The following EXOC4 variants were observed in gnomAD, a reference collection of about 807,000 sequenced individuals.
The protein encoded by EXOC4 is SEC8-like 1.
EXOC4 carries 71 observed loss-of-function variants against 107.2 expected under a neutral mutation model. The ratio of observed to expected loss-of-function variants is 0.66; its 90% confidence interval spans 0.55 to 0.81. The LOEUF is 0.81. EXOC4 is among the 30% of genes least tolerant of loss of function. The pLI, the probability that EXOC4 is intolerant of heterozygous loss-of-function variation, is 0.00. For synonymous variants in EXOC4, 456 were observed against 441.2 expected (o/e 1.03, Z -0.42); for missense variants, 1,108 against 1,189.6 (o/e 0.93, Z 1.01).
intron 7 of EXOC4, among the ~76,000 whole-genome samples, chr7:133,452,420 A>G (rs1023704278): frequency 2.6e-5 from 4 of 151,810 alleles, no homozygotes; most frequent in Non-Finnish European, 4.4e-5. Flanking sequence ...AGTCTCCCAC[A>G]TGGTGATGAG....
intron 1 of EXOC4, among the ~76,000 whole-genome samples, chr7:133,267,959 C>G (rs1793773105): frequency 6.6e-6 from 1 of 152,082 alleles, no homozygotes; most frequent in South Asian, 2.1e-4. Flanking sequence ...AAATAAATAT[C>G]CTCAGGAACT....
intron 11 of EXOC4, among the ~76,000 whole-genome samples, chr7:133,884,620 T>TGTGTGTGTGTGTGTGTGC (rs942323507): frequency 7.0e-6 from 1 of 142,330 alleles, no homozygotes; most frequent in African/African-American, 2.6e-5. Context: ...TGTGTGTGTG[T>TGTGTGTGTGTGTGTGTGC]GCGCGCGTGT....
intron 10 of EXOC4, among the ~76,000 whole-genome samples, chr7:133,688,338 G>A (rs1050717707): frequency 2.6e-5 from 4 of 152,108 alleles, no homozygotes; most frequent in Non-Finnish European, 5.9e-5. Context: ...TGATTAAACA[G>A]AATGAAAATC....
chr7:133,822,388 AAG>A (rs904632766), intron 11 of EXOC4, among the ~76,000 whole-genome samples: 13 of 152,192 alleles, frequency 8.5e-5, no homozygotes, highest in African/African-American at 2.9e-4. Flanking sequence ...ATCTGAAAAA[AAG>A]AGCGAGGGGA....
intron 9 of EXOC4, among the ~76,000 whole-genome samples, chr7:133,487,849 G>GT (rs1159417339): frequency 1.3e-5 from 2 of 152,084 alleles, no homozygotes; most frequent in African/African-American, 4.8e-5. Context: ...GTTCACATTG[G>GT]TTTTTTAATA....
intron 3 of EXOC4, among the ~76,000 whole-genome samples, chr7:133,296,552 C>T: frequency 6.6e-6 from 1 of 151,938 alleles, no homozygotes; most frequent in East Asian, 1.9e-4. Context: ...TTATTTTTCT[C>T]TTATAGAGTA....
chr7:133,455,834 A>G (rs887767360), intron 7 of EXOC4, among the ~76,000 whole-genome samples: 2 of 152,236 alleles, frequency 1.3e-5, no homozygotes, highest in Non-Finnish European at 2.9e-5. Flanking sequence ...TCAAACATCA[A>G]AAGTAACAGA....
chr7:133,667,861 A>G lies in EXOC4; in HGVS notation c.1514+37720A>G, dbSNP rs547485267. ...TAGTGCATTTGGTAAGAACTCTTAC[A>G]TAAATAGCCTTTACAATCAAATAGA... On this transcript the variant is annotated intron_variant, in intron 10 of 17. Coordinates refer to ENST00000253861, the MANE Select transcript of EXOC4 (RefSeq NM_021807.4). Among the ~76,000 whole-genome samples the G allele has an allele frequency of 3.3e-5, 5 of 152,352 alleles. No homozygotes were observed. The South Asian group carries it at 1.0e-3, about 32-fold the overall frequency.
At chr7:133,567,700 G>C (rs1011550607) in intron 9 of EXOC4, among the ~76,000 whole-genome samples, 16 of 152,276 alleles carry the variant, frequency 1.1e-4, no homozygotes, top group African/African-American at 3.6e-4. Context: ...AGACTGGAAA[G>C]TCCCAGAGCA....
chr7:133,559,983 A>G (rs901602978), intron 9 of EXOC4, among the ~76,000 whole-genome samples: 1 of 152,204 alleles, frequency 6.6e-6, no homozygotes, highest in African/African-American at 2.4e-5. Flanking sequence ...GCTTAGGTAC[A>G]TATATCTCAT....
Position 133,507,075 on chromosome 7 carries a change from T to G in EXOC4, c.1417+26937T>G, listed in dbSNP as rs546237781. Among the ~76,000 whole-genome samples the G allele has an allele frequency of 1.2e-3, 176 of 152,266 alleles. 1 individual carries two copies. Among genetic ancestry groups the G allele is most frequent in the South Asian group, 3.9e-3 (19 of 4,824 alleles). On this transcript the variant is annotated intron_variant, in intron 9 of 17. Coordinates refer to ENST00000253861, the MANE Select transcript of EXOC4 (RefSeq NM_021807.4). ...TCAAAGCTATTAGAGTAGTATTTTT[T>G]GATACTATGATTTCTTTTAGATGGA... is the stretch of plus-strand genomic sequence containing the variant.
chr7:133,801,632 A>G (rs878936662), intron 10 of EXOC4, among the ~76,000 whole-genome samples: 7 of 152,196 alleles, frequency 4.6e-5, no homozygotes, highest in Admixed American at 4.6e-4. Flanking sequence ...CTGTTAGGGG[A>G]AATGGCCAAC....
intron 9 of EXOC4, among the ~76,000 whole-genome samples, chr7:133,522,216 G>A (rs188006456): frequency 1.3e-5 from 2 of 152,138 alleles, no homozygotes; most frequent in Admixed American, 6.5e-5. Flanking sequence ...TGAGTGTTGT[G>A]CCTTAATGTG....
At chr7:133,760,625 G>A (rs531714705) in intron 10 of EXOC4, among the ~76,000 whole-genome samples, 15 of 151,838 alleles carry the variant, frequency 9.9e-5, no homozygotes, top group South Asian at 2.1e-4. Flanking sequence ...TTTTGACCTC[G>A]CACCATTCTG....
chr7:133,277,460 C>T (rs977735430), intron 2 of EXOC4, among the ~76,000 whole-genome samples: 4 of 152,136 alleles, frequency 2.6e-5, no homozygotes, highest in Non-Finnish European at 5.9e-5. Context: ...GCTTTGCTTC[C>T]CATCATTCTG....
intron 10 of EXOC4, among the ~76,000 whole-genome samples, chr7:133,721,891 C>T (rs942840247): frequency 3.3e-5 from 5 of 152,154 alleles, no homozygotes; most frequent in African/African-American, 1.2e-4. Flanking sequence ...TTGTCCCTGA[C>T]CCAGGAGTTT....
chr7:133,824,781 C>T lies in EXOC4; in HGVS notation c.1734+7237C>T, dbSNP rs566842207. Among the ~76,000 whole-genome samples, 8 of 152,230 alleles carry T rather than the reference C, an allele frequency of 5.3e-5. No homozygotes were observed. In the South Asian group the frequency reaches 1.5e-3, roughly 28 times the overall value. ...ACTGCAATCTCTGTCTCTATCGTAA[C>T]GTGGCGTTCTCCCGTGTGTCTCCTA... On this transcript the variant is annotated intron_variant, in intron 11 of 17. Coordinates refer to ENST00000253861, the MANE Select transcript of EXOC4 (RefSeq NM_021807.4).
At position 133,820,702 on chromosome 7, in the gene EXOC4, G is replaced by A. The variant is rs576460558; in HGVS notation, c.1734+3158G>A. On this transcript the variant is annotated intron_variant, in intron 11 of 17. Transcript: ENST00000253861. ...GGTCACAGAGTAGAAGAGAGGACAT[G>A]CCTTTCCCTGTGGCAACACCCAGTG... 7.2e-5 allele frequency among the ~76,000 whole-genome samples: 11 copies of A among 152,330 alleles called. 1 individual carries two copies. The South Asian group carries it at 2.3e-3, about 32-fold the overall frequency.
At chr7:134,032,222 G>C (rs1795286713) in intron 17 of EXOC4, among the ~76,000 whole-genome samples, 1 of 152,084 alleles carries the variant, frequency 6.6e-6, no homozygotes, top group Non-Finnish European at 1.5e-5. Context: ...CCTCCATATT[G>C]AAAGTGATTT....
Sources: gnomAD v4.1 joint callset for allele counts (sites outside exome capture counted in the v4.1 genomes callset) on GRCh38, gnomAD v4.1.1 for gene constraint, MANE v1.5 for transcripts, NCBI Gene and HGNC (gene_info 2026-07-23, HGNC 2026-07-21) for gene names.